ANKS1B: variants seen among roughly 807,000 people sequenced by gnomAD.
ANKS1B encodes ankyrin repeat and sterile alpha motif domain containing 1B, also known as ankyrin repeat and sterile alpha motif domain-containing protein 1B.
Under a neutral mutation model 148.3 loss-of-function variants are expected in ANKS1B, and 36 were observed. That is an observed-to-expected ratio of 0.24 (90% CI 0.19 to 0.32). ANKS1B has a LOEUF of 0.32. ANKS1B is among the 10% of genes least tolerant of loss of function. ANKS1B has a pLI of 1.00. For synonymous variants in ANKS1B, 542 were observed against 560.8 expected, an observed-to-expected ratio of 0.97 and a Z score of 0.47; for missense variants, 1,157 against 1,542.6, an observed-to-expected ratio of 0.75 and a Z score of 4.19.
chr12:99,510,520 G>C (rs1211904030), intron 9 of ANKS1B, among the ~76,000 whole-genome samples: 1 of 151,972 alleles, frequency 6.6e-6, no homozygotes, highest in Admixed American at 6.6e-5. Context: ...AGAACTGGAA[G>C]TGGAGCCTGA....
chr12:99,948,842 T>C (rs1236145445), intron 1 of ANKS1B, among the ~76,000 whole-genome samples: 1 of 152,210 alleles, frequency 6.6e-6, no homozygotes, highest in Non-Finnish European at 1.5e-5. Context: ...ATCAGCACTG[T>C]AAATATGTCA....
At chr12:99,418,788 T>C (rs2094989235) in intron 11 of ANKS1B, among the ~76,000 whole-genome samples, 1 of 152,232 alleles carries the variant, frequency 6.6e-6, no homozygotes, top group African/African-American at 2.4e-5. Context: ...AGATTTTTTA[T>C]AGATGCTCTT....
chr12:98,895,095 G>A (rs1020254982), intron 17 of ANKS1B: 26 of 980,984 alleles, frequency 2.7e-5, no homozygotes, highest in South Asian at 9.4e-5. Context: ...CGGCGAGGCG[G>A]GGGGGAGGTG....
chr12:99,955,138 G>A (rs2095296904), intron 1 of ANKS1B, among the ~76,000 whole-genome samples: 1 of 152,076 alleles, frequency 6.6e-6, no homozygotes, highest in Admixed American at 6.6e-5. Flanking sequence ...TCTCACTGGG[G>A]GGTCTTTAAT....
At chr12:99,028,139 A>T (rs181955562) in intron 17 of ANKS1B, among the ~76,000 whole-genome samples, 330 of 152,346 alleles carry the variant, frequency 2.2e-3, no homozygotes, top group Non-Finnish European at 4.0e-3. Context: ...AATATTTTTT[A>T]AAAAATTAAT....
At chr12:99,162,665 C>T (rs868493728) in intron 14 of ANKS1B, among the ~76,000 whole-genome samples, 7 of 152,026 alleles carry the variant, frequency 4.6e-5, no homozygotes, top group South Asian at 2.1e-4. Flanking sequence ...CAGATATGTT[C>T]GGATATATAC....
intron 17 of ANKS1B, among the ~76,000 whole-genome samples, chr12:98,869,444 G>A (rs540292921): frequency 6.6e-6 from 1 of 152,216 alleles, no homozygotes; most frequent in East Asian, 1.9e-4. Flanking sequence ...CAACCTGGGT[G>A]ACAAAGGAAC....
chr12:99,940,933 A>T (rs1743632005), intron 1 of ANKS1B, among the ~76,000 whole-genome samples: 1 of 152,182 alleles, frequency 6.6e-6, no homozygotes, highest in Non-Finnish European at 1.5e-5. Flanking sequence ...CTTCATTTCA[A>T]TCAAAAGCAG....
chr12:99,553,850 G>A (rs74603495), intron 9 of ANKS1B, among the ~76,000 whole-genome samples: 2,346 of 152,276 alleles, frequency 0.015, 51 homozygotes, highest in African/African-American at 0.054. Context: ...TCAGGTGGCC[G>A]AAGACTGTCC....
At chr12:98,769,318 T>G (rs17028671) in intron 25 of ANKS1B, among the ~76,000 whole-genome samples, 3,266 of 152,050 alleles carry the variant, frequency 0.021, 123 homozygotes, top group East Asian at 0.14. Flanking sequence ...CTTTTTTTAG[T>G]GCAAGTGAAG....
chr12:99,319,007 C>G (rs1377419492), intron 12 of ANKS1B, among the ~76,000 whole-genome samples: 1 of 152,094 alleles, frequency 6.6e-6, no homozygotes, highest in African/African-American at 2.4e-5. Context: ...ATCTTGAGTT[C>G]TAGTTTGATT....
intron 9 of ANKS1B, among the ~76,000 whole-genome samples, chr12:99,654,374 T>G (rs2098439947): frequency 1.3e-5 from 2 of 152,202 alleles, no homozygotes; most frequent in Admixed American, 1.3e-4. Flanking sequence ...AATTAACCTC[T>G]TAACATTATA....
At chr12:99,928,933 A>G (rs992909759) in intron 1 of ANKS1B, among the ~76,000 whole-genome samples, 30 of 152,206 alleles carry the variant, frequency 2.0e-4, no homozygotes, top group Admixed American at 1.7e-3. Flanking sequence ...AGGCCACTAA[A>G]GGAACTAGGG....
intron 15 of ANKS1B, among the ~76,000 whole-genome samples, chr12:99,136,563 G>C (rs2068136624): frequency 6.6e-6 from 1 of 152,202 alleles, no homozygotes; most frequent in African/African-American, 2.4e-5. Flanking sequence ...AATTAGGAGA[G>C]AGAAGAGATG....
At chr12:98,887,709 GA>G (rs2099743325) in intron 17 of ANKS1B, among the ~76,000 whole-genome samples, 1 of 151,972 alleles carries the variant, frequency 6.6e-6, no homozygotes, top group Non-Finnish European at 1.5e-5. Context: ...CTGGGTTCAT[GA>G]GATTCTCATG....
chr12:99,111,582 T>C (rs1168327950), intron 15 of ANKS1B, among the ~76,000 whole-genome samples: 2 of 151,938 alleles, frequency 1.3e-5, no homozygotes, highest in Admixed American at 6.6e-5. Context: ...TCCAACCTCA[T>C]GAAAGTGCTG....
intron 14 of ANKS1B, among the ~76,000 whole-genome samples, chr12:99,188,322 A>T (rs1219004672): frequency 6.6e-6 from 1 of 152,138 alleles, no homozygotes; most frequent in Non-Finnish European, 1.5e-5. Flanking sequence ...CGGGACTTGC[A>T]CTCAGCTGTA....
chr12:99,956,807 T>C (rs1046194520), intron 1 of ANKS1B, among the ~76,000 whole-genome samples: 1 of 152,200 alleles, frequency 6.6e-6, no homozygotes, highest in South Asian at 2.1e-4. Flanking sequence ...ATAACTATAT[T>C]ATGTTCATTC....
chr12:99,031,770 C>G (rs1598716247), intron 17 of ANKS1B, among the ~76,000 whole-genome samples: 2 of 152,172 alleles, frequency 1.3e-5, no homozygotes, highest in African/African-American at 4.8e-5. Context: ...CTAAATGGCA[C>G]AGCTAACAAG....
Sources: gnomAD v4.1 joint callset for allele counts (sites outside exome capture counted in the v4.1 genomes callset) on GRCh38, gnomAD v4.1.1 for gene constraint, MANE v1.5 for transcripts, NCBI Gene and HGNC (gene_info 2026-07-23, HGNC 2026-07-21) for gene names.